Variants in GABBR2 observed in about 807,000 individuals in gnomAD.
The protein encoded by GABBR2 is gamma-aminobutyric acid type B receptor subunit 2.
In GABBR2, 23 loss-of-function variants were observed where a neutral mutation model predicts 105.6. That is an observed-to-expected ratio of 0.22 (90% confidence interval 0.16 to 0.31). The LOEUF is 0.31. Ranked by LOEUF, GABBR2 falls within the 10% of genes least tolerant of loss-of-function variation. The pLI, the probability that GABBR2 is intolerant of heterozygous loss-of-function variation, is 1.00. For synonymous variants in GABBR2, 478 were observed against 499.7 expected (o/e 0.96, Z 0.58); for missense variants, 734 against 1,245.5 (o/e 0.59, Z 6.18).
In GABBR2 at chr9:98,311,082, G is replaced by C. The variant is rs1332541309; in HGVS notation, c.2004+13C>G. ...GTGTCCCCCCTCAACACTGTCTCCT[G>C]CTCTGCACCTACCATGAGAAGTCCC... is the stretch of plus-strand genomic sequence containing the variant. On this transcript the variant is annotated intron_variant, in intron 14 of 18. Coordinates refer to ENST00000259455, the MANE Select transcript of GABBR2 (RefSeq NM_005458.8). The C allele has an allele frequency of 7.7e-6, 11 of 1,433,880 alleles. No homozygotes were observed. Among genetic ancestry groups the C allele is most frequent in the Non-Finnish European group, 9.8e-7 (1 of 1,015,642 alleles). The allele number at this position is 1,433,880 out of a possible 1,614,324, so 88.8% of individuals were successfully genotyped here.
At chr9:98,457,267 G>C (rs1826340752) in intron 6 of GABBR2, among the ~76,000 whole-genome samples, 1 of 152,170 alleles carries the variant, frequency 6.6e-6, no homozygotes. Context: ...ACATTCAGAT[G>C]ACATTTCTAC....
At chr9:98,375,734 T>C (rs957519232) in intron 11 of GABBR2, among the ~76,000 whole-genome samples, 5 of 146,428 alleles carry the variant, frequency 3.4e-5, no homozygotes, top group Non-Finnish European at 6.0e-5. Flanking sequence ...CAAGCAAAGC[T>C]TGGAAGACTC....
chr9:98,506,941 T>C (rs1445384643), intron 3 of GABBR2, among the ~76,000 whole-genome samples: 1 of 152,126 alleles, frequency 6.6e-6, no homozygotes, highest in South Asian at 2.1e-4. Flanking sequence ...AGGGAGGCTG[T>C]AGGCTGCTCC....
intron 1 of GABBR2, among the ~76,000 whole-genome samples, chr9:98,708,045 TA>T: frequency 6.6e-6 from 1 of 152,200 alleles, no homozygotes; most frequent in African/African-American, 2.4e-5. Flanking sequence ...TCCCACTCGG[TA>T]CCTCGCAGCC....
chr9:98,399,351 CAAAA>C (rs56407615), intron 8 of GABBR2, among the ~76,000 whole-genome samples: 3 of 98,380 alleles, frequency 3.0e-5, no homozygotes, highest in Non-Finnish European at 4.3e-5. Flanking sequence ...GACTCCATCT[CAAAA>C]AAAAAAAAAA....
intron 1 of GABBR2, among the ~76,000 whole-genome samples, chr9:98,587,762 C>A (rs1829097633): frequency 6.6e-6 from 1 of 152,190 alleles, no homozygotes; most frequent in Admixed American, 6.5e-5. Flanking sequence ...TTTTCATAAT[C>A]TTTTATTACC....
intron 3 of GABBR2, among the ~76,000 whole-genome samples, chr9:98,509,389 C>T (rs1037708287): frequency 6.6e-6 from 1 of 152,212 alleles, no homozygotes; most frequent in African/African-American, 2.4e-5. Context: ...GAACACAGCT[C>T]CTCACCAGCA....
intron 7 of GABBR2, among the ~76,000 whole-genome samples, chr9:98,431,643 A>G (rs563287337): frequency 3.3e-5 from 5 of 152,078 alleles, no homozygotes; most frequent in African/African-American, 9.6e-5. Flanking sequence ...ATGCCAGGCT[A>G]TATCCTACAG....
At chr9:98,615,139 A>G (rs1829561801) in intron 1 of GABBR2, among the ~76,000 whole-genome samples, 1 of 152,160 alleles carries the variant, frequency 6.6e-6, no homozygotes, top group African/African-American at 2.4e-5. Flanking sequence ...CTCACTTTAT[A>G]GGCTCCTGAG....
chr9:98,353,813 G>A (rs1017544538), intron 13 of GABBR2, among the ~76,000 whole-genome samples: 2 of 152,214 alleles, frequency 1.3e-5, no homozygotes, highest in African/African-American at 2.4e-5. Context: ...TGGTGGGGGG[G>A]GGTGGCGGAA....
At chr9:98,371,420 G>T in intron 12 of GABBR2, 44 bp downstream of exon 12, 1 of 1,011,756 alleles carries the variant, frequency 9.9e-7, no homozygotes, top group South Asian at 1.3e-5. Context: ...GATAAATGCT[G>T]GGTGAACACT....
chr9:98,676,079 G>A (rs751693917), intron 1 of GABBR2, among the ~76,000 whole-genome samples: 12 of 152,228 alleles, frequency 7.9e-5, no homozygotes, highest in African/African-American at 1.4e-4. Context: ...ATTTTGAGAT[G>A]GGGAGATTAT....
chr9:98,670,933 T>C (rs928499751), intron 1 of GABBR2, among the ~76,000 whole-genome samples: 2 of 152,198 alleles, frequency 1.3e-5, no homozygotes, highest in African/African-American at 4.8e-5. Flanking sequence ...ACATTATGAA[T>C]GTATTTAATA....
At chr9:98,566,834 A>G (rs1189389479) in intron 2 of GABBR2, among the ~76,000 whole-genome samples, 3 of 151,692 alleles carry the variant, frequency 2.0e-5, no homozygotes, top group South Asian at 2.1e-4. Context: ...CGACAAAGAA[A>G]AAGAAATAAG....
Position 98,667,456 on chromosome 9 carries a change from C to T in GABBR2, c.321+40961G>A, listed in dbSNP as rs112478050. Reference sequence around the variant, plus strand: ...CTGGCTGCTGACCAGAAGCCACCCTCGGCCAAGTGAGCTGCGTTACCCACA... The same window carrying T: ...CTGGCTGCTGACCAGAAGCCACCCTTGGCCAAGTGAGCTGCGTTACCCACA... On this transcript the variant is annotated intron_variant, in intron 1 of 18. Transcript: ENST00000259455. Among the ~76,000 whole-genome samples, 879 of 152,226 alleles carry T rather than the reference C, an allele frequency of 5.8e-3. 3 individuals carry two copies. The highest frequency in any genetic ancestry group is 0.01 in the Non-Finnish European group (682 of 68,000).
At chr9:98,381,943 G>A (rs986719976) in intron 11 of GABBR2, among the ~76,000 whole-genome samples, 9 of 152,108 alleles carry the variant, frequency 5.9e-5, no homozygotes, top group East Asian at 1.9e-4. Flanking sequence ...CCTAGCCTGC[G>A]TCACCCTGTG....
Position 98,384,420 on chromosome 9 carries a change from G to A in GABBR2, c.1662+1220C>T, listed in dbSNP as rs557804782. Among the ~76,000 whole-genome samples, 28 of 152,092 alleles carry A rather than the reference G, an allele frequency of 1.8e-4. 1 individual carries two copies. In the South Asian group the frequency reaches 5.4e-3, roughly 29 times the overall value. ...ATCCTGACCAACATGGAGAAACCCC[G>A]TCTCTACTAAAAATATAAAATTAGC... On this transcript the variant is annotated intron_variant, in intron 11 of 18. Coordinates refer to ENST00000259455, the MANE Select transcript of GABBR2 (RefSeq NM_005458.8).
chr9:98,708,269 G>T (rs1413819695), intron 1 of GABBR2, 148 bp downstream of exon 1: 1 of 771,996 alleles, frequency 1.3e-6, no homozygotes, highest in Non-Finnish European at 1.8e-6. Context: ...GACCGCGGGG[G>T]TGAACACTGG....
intron 1 of GABBR2, among the ~76,000 whole-genome samples, chr9:98,596,782 C>T (rs773036307): frequency 2.6e-5 from 4 of 152,180 alleles, no homozygotes; most frequent in South Asian, 2.1e-4. Flanking sequence ...GCTGCCTCCG[C>T]GTTTGGAGGG....
Sources: gnomAD v4.1 joint callset for allele counts (sites outside exome capture counted in the v4.1 genomes callset) on GRCh38, gnomAD v4.1.1 for gene constraint, MANE v1.5 for transcripts, NCBI Gene and HGNC (gene_info 2026-07-23, HGNC 2026-07-21) for gene names.